The following LZTS1 variants were observed in gnomAD, a reference collection of about 807,000 sequenced individuals.
LZTS1 encodes leucine zipper putative tumor suppressor 1.
LZTS1 carries 31 observed loss-of-function variants against 45.8 expected under a neutral mutation model. The ratio of observed to expected loss-of-function variants is 0.68; its 90% CI spans 0.51 to 0.91. The LOEUF is 0.91. Ranked by LOEUF, LZTS1 falls within the 40% of genes least tolerant of loss-of-function variation. The pLI, the probability that LZTS1 is intolerant of heterozygous loss-of-function variation, is 0.00. For synonymous variants in LZTS1, 359 were observed against 357.3 expected (o/e 1.00, Z -0.05); for missense variants, 821 against 788.9 (o/e 1.04, Z -0.49).
intron 1 of LZTS1, among the ~76,000 whole-genome samples, chr8:20,283,438 G>C (rs1800732976): frequency 6.6e-6 from 1 of 152,084 alleles, no homozygotes. Context: ...CCTTGATCTT[G>C]GACTTCTCAG....
intron 1 of LZTS1, among the ~76,000 whole-genome samples, chr8:20,280,103 G>A (rs192653786): frequency 2.6e-5 from 4 of 152,206 alleles, no homozygotes; most frequent in African/African-American, 7.2e-5. Context: ...TCCTACACAG[G>A]AGACAGTGAA....
At chr8:20,255,992 C>CT (rs1800088803) in intron 1 of LZTS1, among the ~76,000 whole-genome samples, 1 of 139,990 alleles carries the variant, frequency 7.1e-6, no homozygotes. Context: ...GGAGAATCGT[C>CT]TGAGCCCCGG....
At chr8:20,273,989 C>T (rs1800525747) in intron 1 of LZTS1, among the ~76,000 whole-genome samples, 1 of 152,082 alleles carries the variant, frequency 6.6e-6, no homozygotes, top group South Asian at 2.1e-4. Flanking sequence ...TTTTCTCCCT[C>T]AGACCCTGCC....
intron 1 of LZTS1, among the ~76,000 whole-genome samples, chr8:20,264,214 T>C (rs779349830): frequency 6.6e-6 from 1 of 152,234 alleles, no homozygotes; most frequent in Non-Finnish European, 1.5e-5. Flanking sequence ...TTCGGATCCA[T>C]GCATATTGAC....
rs748806913 is a variant in LZTS1, at chr8:20,279,479, C to A, written c.-134-24164G>T. On this transcript the variant is annotated intron_variant, in intron 1 of 3. Transcript: ENST00000381569. ...CTTTGGAAGGCTGAATTGAGAGAAT[C>A]GCCTGAGGCCAGGGGTTCGAGACCA... Among the ~76,000 whole-genome samples the A allele has an allele frequency of 7.2e-5, 11 of 152,030 alleles. 1 individual carries two copies. Among genetic ancestry groups the A allele is most frequent in the Non-Finnish European group, 5.9e-5 (4 of 68,010 alleles).
At chr8:20,294,575 G>A (rs568326523) in intron 1 of LZTS1, among the ~76,000 whole-genome samples, 3 of 152,272 alleles carry the variant, frequency 2.0e-5, no homozygotes, top group Non-Finnish European at 4.4e-5. Flanking sequence ...CGGAGGCGTT[G>A]GGGCTGGGGG....
Position 20,254,955 on chromosome 8 carries a change from C to T in LZTS1, c.227G>A (p.Gly76Asp), listed in dbSNP as rs914107876. The change falls in exon 2 of 4, where the codon GGC becomes GAC. Residue 76 changes from glycine to aspartate, a missense_variant. Coordinates refer to ENST00000381569, the MANE Select transcript of LZTS1 (RefSeq NM_021020.5). ...FYIKVSQKAR[G>D]SHHPDYTALS... ...TGCCGTGTAATCTGGGTGATGGGAG[C>T]CCCGGGCTTTCTGGCTGACCTTGAT... The T allele has an allele frequency of 6.2e-7, 1 of 1,614,208 alleles. No individual in the cohort carries two copies. The highest frequency in any genetic ancestry group is 8.5e-7 in the Non-Finnish European group (1 of 1,180,046).
At chr8:20,281,895 G>C (rs1018191032) in intron 1 of LZTS1, among the ~76,000 whole-genome samples, 10 of 152,160 alleles carry the variant, frequency 6.6e-5, no homozygotes, top group African/African-American at 1.9e-4. Context: ...GACTAATACA[G>C]GAGATAAGAG....
chr8:20,264,300 G>A (rs912444918), intron 1 of LZTS1, among the ~76,000 whole-genome samples: 5 of 152,026 alleles, frequency 3.3e-5, no homozygotes, highest in African/African-American at 1.2e-4. Flanking sequence ...TCCCTACTTA[G>A]ATGTTTCCAT....
intron 1 of LZTS1, among the ~76,000 whole-genome samples, chr8:20,282,173 C>A (rs1236628849): frequency 1.3e-5 from 2 of 152,142 alleles, no homozygotes; most frequent in South Asian, 2.1e-4. Context: ...TTGGCAATAC[C>A]CTCACTGGCA....
At chr8:20,300,168 G>A (rs1020585834) in intron 1 of LZTS1, among the ~76,000 whole-genome samples, 3 of 152,182 alleles carry the variant, frequency 2.0e-5, no homozygotes, top group African/African-American at 7.2e-5. Flanking sequence ...AACAGAGGAA[G>A]GAAAGTCAGT....
rs140379515 is a variant in LZTS1 at position 20,284,071 on chromosome 8, G to T, written c.-135+19669C>A. 2.3e-3 allele frequency among the ~76,000 whole-genome samples: 349 copies of T among 152,288 alleles called. 1 individual carries two copies. The highest frequency in any genetic ancestry group is 7.9e-3 in the African/African-American group (330 of 41,568). ...GGTCAGGCATCCTGGACTTGAACTTGCTCTGCTTGGCCATTGACTAGTTGT... is the reference window on the plus strand; with the variant it reads ...GGTCAGGCATCCTGGACTTGAACTTTCTCTGCTTGGCCATTGACTAGTTGT... On this transcript the variant is annotated intron_variant, in intron 1 of 3. Coordinates refer to ENST00000381569, the MANE Select transcript of LZTS1 (RefSeq NM_021020.5).
chr8:20,283,220 T>C (rs1800728489), intron 1 of LZTS1, among the ~76,000 whole-genome samples: 1 of 152,140 alleles, frequency 6.6e-6, no homozygotes, highest in Non-Finnish European at 1.5e-5. Flanking sequence ...CCCCCAAAAA[T>C]GCATATGTCG....
chr8:20,294,583 G>A (rs1800950999), intron 1 of LZTS1, among the ~76,000 whole-genome samples: 1 of 152,148 alleles, frequency 6.6e-6, no homozygotes, highest in Non-Finnish European at 1.5e-5. Context: ...TTGGGGCTGG[G>A]GGAATTTGAT....
chr8:20,291,671 CT>C (rs1041503887), intron 1 of LZTS1, among the ~76,000 whole-genome samples: 1 of 151,002 alleles, frequency 6.6e-6, no homozygotes. Flanking sequence ...GCTGAGAGAC[CT>C]TTTGTCTCCA....
At chr8:20,260,817 T>C (rs1035205370) in intron 1 of LZTS1, among the ~76,000 whole-genome samples, 12 of 152,218 alleles carry the variant, frequency 7.9e-5, no homozygotes, top group African/African-American at 2.6e-4. Flanking sequence ...CCTGAGAGCA[T>C]TCCTATCCCT....
In LZTS1 at chr8:20,288,626, T is replaced by G. The variant is rs1208158983; in HGVS notation, c.-135+15114A>C. On this transcript the variant is annotated intron_variant, in intron 1 of 3. Transcript: ENST00000381569. ...CAGTGGCAGTACCTGGCTTCAAACC[T>G]AGGTTGCGGTCAACAGCCGTCTAGC... is the stretch of plus-strand genomic sequence containing the variant. Among the ~76,000 whole-genome samples, 3 of 152,260 alleles carry G rather than the reference T, an allele frequency of 2.0e-5. 1 individual carries two copies. The East Asian group carries it at 5.8e-4, about 29-fold the overall frequency.
chr8:20,249,418 T>C lies in LZTS1; in HGVS notation c.*304A>G. ...CCTTCCCTGGAGGAGGGGGAGAGGA[T>C]ATCTATTTCGAACAAAGGCCAAAGT... On this transcript the variant is annotated 3_prime_UTR_variant, in exon 4 of 4. Transcript: ENST00000381569. 3.1e-6 allele frequency: 1 copy of C among 322,608 alleles called. No homozygotes were observed. 20.0% of individuals were successfully genotyped at this position (322,608 alleles called of 1,614,324 possible).
At chr8:20,291,818 G>A (rs1352038002) in intron 1 of LZTS1, among the ~76,000 whole-genome samples, 3 of 150,822 alleles carry the variant, frequency 2.0e-5, no homozygotes, top group Admixed American at 6.6e-5. Context: ...TCTGAACACT[G>A]ATCTATCTGA....
Sources: allele counts gnomAD v4.1 joint callset (sites outside exome capture counted in the v4.1 genomes callset), GRCh38; gene constraint gnomAD v4.1.1; transcripts MANE v1.5; gene names NCBI Gene and HGNC (gene_info 2026-07-23, HGNC 2026-07-21).